ERBB4: variants seen among roughly 807,000 people sequenced by gnomAD.
ERBB4 encodes the protein erb-b2 receptor tyrosine kinase 4.
ERBB4 carries 42 observed loss-of-function variants against 158.0 expected under a neutral mutation model. The ratio of observed to expected loss-of-function variants is 0.27; its 90% confidence interval spans 0.21 to 0.34. The LOEUF is 0.34. ERBB4 is among the 10% of genes least tolerant of loss of function. The pLI, the probability that ERBB4 is intolerant of heterozygous loss-of-function variation, is 1.00. For missense variants in ERBB4, 1,333 were observed against 1,624.1 expected (o/e 0.82, Z 3.08); for synonymous variants, 583 against 558.7 (o/e 1.04, Z -0.61).
chr2:212,212,265 T>G (rs1051058058), intron 1 of ERBB4, among the ~76,000 whole-genome samples: 2 of 151,658 alleles, frequency 1.3e-5, no homozygotes, highest in Non-Finnish European at 3.0e-5. Flanking sequence ...CTAACTGGCA[T>G]GAGATAGACA....
intron 3 of ERBB4, among the ~76,000 whole-genome samples, chr2:211,944,784 T>C (rs1282382308): frequency 1.3e-5 from 2 of 151,734 alleles, no homozygotes; most frequent in Non-Finnish European, 2.9e-5. Context: ...ACCCCCAGAG[T>C]TTCTCATTCA....
intron 16 of ERBB4, among the ~76,000 whole-genome samples, chr2:211,634,144 G>T (rs1038471245): frequency 1.3e-5 from 2 of 152,084 alleles, no homozygotes; most frequent in Non-Finnish European, 2.9e-5. Flanking sequence ...TATTCCTTTT[G>T]AAATAAAAGT....
intron 16 of ERBB4, among the ~76,000 whole-genome samples, chr2:211,655,463 A>AGT (rs765021951): frequency 6.6e-6 from 1 of 152,210 alleles, no homozygotes; most frequent in Non-Finnish European, 1.5e-5. Flanking sequence ...GCATGAAGAA[A>AGT]GTGAGGCTCA....
chr2:211,917,014 T>G (rs996376074), intron 3 of ERBB4, among the ~76,000 whole-genome samples: 1 of 152,150 alleles, frequency 6.6e-6, no homozygotes, highest in African/African-American at 2.4e-5. Flanking sequence ...CCTACAGATT[T>G]GATACCAGTG....
At chr2:211,399,219 A>T (rs552925896) in intron 25 of ERBB4, among the ~76,000 whole-genome samples, 12 of 152,340 alleles carry the variant, frequency 7.9e-5, no homozygotes, top group African/African-American at 2.6e-4. Flanking sequence ...TGTTTATTTC[A>T]TCAGTGTGTC....
chr2:212,283,871 A>G (rs868860224), intron 1 of ERBB4, among the ~76,000 whole-genome samples: 1 of 152,066 alleles, frequency 6.6e-6, no homozygotes, highest in Non-Finnish European at 1.5e-5. Flanking sequence ...GCTAATTAAA[A>G]TGAATCCACA....
chr2:212,388,299 A>G (rs577364201), intron 1 of ERBB4, among the ~76,000 whole-genome samples: 1 of 152,288 alleles, frequency 6.6e-6, no homozygotes, highest in South Asian at 2.1e-4. Context: ...TAAAATGGAT[A>G]TCAGAAAAGA....
intron 2 of ERBB4, among the ~76,000 whole-genome samples, chr2:211,966,469 T>C (rs1464924207): frequency 6.6e-6 from 1 of 152,048 alleles, no homozygotes; most frequent in African/African-American, 2.4e-5. Context: ...CTCAAACTCC[T>C]GACCTCATGA....
intron 2 of ERBB4, among the ~76,000 whole-genome samples, chr2:211,982,919 G>A (rs1035007682): frequency 6.6e-6 from 1 of 152,158 alleles, no homozygotes; most frequent in Non-Finnish European, 1.5e-5. Context: ...GTCTATGTAT[G>A]TCTATCCTTT....
intron 2 of ERBB4, among the ~76,000 whole-genome samples, chr2:212,025,816 T>C (rs1412782360): frequency 1.3e-5 from 2 of 151,764 alleles, no homozygotes; most frequent in Non-Finnish European, 3.0e-5. Context: ...AAAATTCATA[T>C]AAATTTCTTT....
At chr2:211,952,660 C>A (rs1382463520) in intron 2 of ERBB4, among the ~76,000 whole-genome samples, 1 of 152,092 alleles carries the variant, frequency 6.6e-6, no homozygotes, top group Non-Finnish European at 1.5e-5. Context: ...TGCTTACTAG[C>A]TTTGTGGCTT....
At chr2:211,939,880 G>T (rs1034439521) in intron 3 of ERBB4, among the ~76,000 whole-genome samples, 4 of 151,626 alleles carry the variant, frequency 2.6e-5, no homozygotes, top group African/African-American at 9.7e-5. Context: ...CCGGGAGGTG[G>T]AGCTTGCAGT....
chr2:211,599,513 C>CTGTGTGTG (rs6147153), intron 19 of ERBB4, among the ~76,000 whole-genome samples: 40 of 140,902 alleles, frequency 2.8e-4, no homozygotes, highest in African/African-American at 4.9e-4. Flanking sequence ...ATAATTTCTT[C>CTGTGTGTG]TGTGTGTGTG....
intron 3 of ERBB4, among the ~76,000 whole-genome samples, chr2:211,789,985 GT>G (rs1388828459): frequency 6.6e-6 from 1 of 151,314 alleles, no homozygotes; most frequent in Admixed American, 6.6e-5. Flanking sequence ...CATTTTGTCG[GT>G]GAGGAAAAAA....
chr2:211,434,139 A>T (rs1403992599), intron 20 of ERBB4, among the ~76,000 whole-genome samples: 1 of 152,194 alleles, frequency 6.6e-6, no homozygotes, highest in Non-Finnish European at 1.5e-5. Flanking sequence ...ACCAAATATC[A>T]TTCTAATAAA....
chr2:211,623,506 T>A (rs1371015429), intron 18 of ERBB4, among the ~76,000 whole-genome samples: 2 of 152,036 alleles, frequency 1.3e-5, no homozygotes, highest in East Asian at 3.9e-4. Context: ...AGGCGTTGGA[T>A]AAAAAAGCAG....
At chr2:211,844,806 C>T (rs757559939) in intron 3 of ERBB4, among the ~76,000 whole-genome samples, 13 of 152,114 alleles carry the variant, frequency 8.5e-5, no homozygotes, top group South Asian at 2.1e-4. Context: ...TGAAATCTAA[C>T]GACTACATTA....
At chr2:211,780,991 T>C (rs2076020942) in intron 4 of ERBB4, among the ~76,000 whole-genome samples, 1 of 152,216 alleles carries the variant, frequency 6.6e-6, no homozygotes, top group African/African-American at 2.4e-5. Context: ...GTATTGTATG[T>C]CTAATGCACA....
At chr2:212,462,378 A>T (rs997093404) in intron 1 of ERBB4, among the ~76,000 whole-genome samples, 1 of 152,240 alleles carries the variant, frequency 6.6e-6, no homozygotes, top group African/African-American at 2.4e-5. Flanking sequence ...AATATGCAGA[A>T]TATACAATGA....
Sources: allele counts gnomAD v4.1 joint callset (sites outside exome capture counted in the v4.1 genomes callset), GRCh38; gene constraint gnomAD v4.1.1; transcripts MANE v1.5; gene names NCBI Gene and HGNC (gene_info 2026-07-23, HGNC 2026-07-21).